The following ANKRD30A variants were observed in gnomAD, a reference collection of about 807,000 sequenced individuals.
ANKRD30A encodes the protein ankyrin repeat domain-containing protein 30A.
ANKRD30A carries 170 observed loss-of-function variants against 166.3 expected under a neutral mutation model. The observed-to-expected ratio is 1.02, with a 90% CI of 0.90 to 1.16. The LOEUF is 1.16. Among genes scored for constraint, ANKRD30A ranks in the 50% most tolerant of loss-of-function variants. The pLI is 0.00. For missense variants in ANKRD30A, 1,630 were observed against 1,518.0 expected, an observed-to-expected ratio of 1.07 and a Z score of -1.23; for synonymous variants, 564 against 508.9, an observed-to-expected ratio of 1.11 and a Z score of -1.46.
intron 34 of ANKRD30A, among the ~76,000 whole-genome samples, chr10:37,228,681 A>G (rs1188183313): frequency 6.6e-6 from 1 of 151,998 alleles, no homozygotes; most frequent in Non-Finnish European, 1.5e-5. Flanking sequence ...AGAATTTTTA[A>G]TTAAAAGGAA....
intron 31 of ANKRD30A, among the ~76,000 whole-genome samples, chr10:37,205,456 G>A (rs1841933696): frequency 6.6e-6 from 1 of 151,804 alleles, no homozygotes; most frequent in South Asian, 2.1e-4. Flanking sequence ...TCATGGGGTG[G>A]GGGGAGGTGG....
At chr10:37,223,940 T>C (rs1588956394) in intron 34 of ANKRD30A, among the ~76,000 whole-genome samples, 2 of 151,150 alleles carry the variant, frequency 1.3e-5, no homozygotes, top group African/African-American at 2.4e-5. Flanking sequence ...TGGGTAATAT[T>C]TCAATATTTT....
the ANKRD30A span, chr10:37,241,392 C>A: frequency 1.3e-5 from 2 of 151,298 alleles, no homozygotes; most frequent in Non-Finnish European, 3.0e-5. Context: ...AAAATTTTTT[C>A]TTAAAAAGGA....
chr10:37,256,753 T>A, the ANKRD30A span, among the ~76,000 whole-genome samples: 1 of 152,188 alleles, frequency 6.6e-6, no homozygotes, highest in Non-Finnish European at 1.5e-5. Context: ...AAGTATTGCA[T>A]ATGGTGGATA....
intron 24 of ANKRD30A, among the ~76,000 whole-genome samples, chr10:37,183,058 T>C (rs375580282): frequency 2.0e-5 from 3 of 149,478 alleles, no homozygotes; most frequent in Admixed American, 6.7e-5. Context: ...TTAATTAGAC[T>C]GTGTTTCCTA....
the ANKRD30A span, chr10:37,247,990 C>A: frequency 3.3e-6 from 1 of 298,510 alleles, no homozygotes; most frequent in Non-Finnish European, 6.7e-6. Flanking sequence ...ACCTTTGTAA[C>A]AAGCCTGCTC....
At chr10:37,258,332 C>T in the ANKRD30A span, among the ~76,000 whole-genome samples, 1 of 151,846 alleles carries the variant, frequency 6.6e-6, no homozygotes, top group Admixed American at 6.6e-5. Context: ...CAAGAAGAAC[C>T]AAGAAAGTTC....
chr10:37,156,411 C>A (rs1434250382), intron 13 of ANKRD30A, among the ~76,000 whole-genome samples: 1 of 152,034 alleles, frequency 6.6e-6, no homozygotes, highest in Admixed American at 6.6e-5. Context: ...TTTTCCTACC[C>A]GGTTCCTCTG....
intron 27 of ANKRD30A, among the ~76,000 whole-genome samples, chr10:37,196,099 T>TTTTA (rs1564549935): frequency 7.4e-5 from 11 of 148,298 alleles, no homozygotes; most frequent in Non-Finnish European, 1.2e-4. Context: ...TTCTATTTTT[T>TTTTA]TTTTTTTTTT....
intron 27 of ANKRD30A, among the ~76,000 whole-genome samples, chr10:37,194,394 T>C (rs1840881608): frequency 6.6e-6 from 1 of 151,466 alleles, no homozygotes; most frequent in Admixed American, 6.6e-5. Flanking sequence ...CAGGCTGGAG[T>C]GCCATGGCGC....
intron 29 of ANKRD30A, among the ~76,000 whole-genome samples, chr10:37,198,114 C>G (rs1184858791): frequency 6.6e-6 from 1 of 152,062 alleles, no homozygotes; most frequent in Admixed American, 6.6e-5. Flanking sequence ...GCTTTAGAGT[C>G]TTTTTACACT....
At chr10:37,224,966 GCAAA>G (rs2132756182) in intron 34 of ANKRD30A, among the ~76,000 whole-genome samples, 1 of 151,510 alleles carries the variant, frequency 6.6e-6, no homozygotes, top group East Asian at 2.0e-4. Context: ...TGTGTCTTTT[GCAAA>G]CATTCATATA....
Position 37,201,264 on chromosome 10 carries a change from T to C in ANKRD30A, c.2808T>C (p.Asp936=). 1 of 1,593,372 alleles carries C rather than the reference T, an allele frequency of 6.3e-7. No homozygotes were observed. Among genetic ancestry groups the C allele is most frequent in the East Asian group, 2.3e-5 (1 of 43,838 alleles). ...ESLRETVSQK[D]VCVPKATHQK... The stretch of plus-strand genomic sequence containing the variant: ...TCCGTGAGACTGTTTCACAGAAGGA[T>C]GTGTGTGTACCCAAGGCTACACATC... The change falls in exon 31 of 36, where the codon GAT becomes GAC. Residue 936 remains aspartate (D), a synonymous_variant. Transcript: ENST00000361713.
intron 31 of ANKRD30A, among the ~76,000 whole-genome samples, chr10:37,204,534 A>G (rs1334027211): frequency 1.3e-5 from 2 of 152,128 alleles, no homozygotes; most frequent in Non-Finnish European, 2.9e-5. Flanking sequence ...AACCTAGGCA[A>G]TACCATTCAG....
intron 1 of ANKRD30A, 148 bp downstream of exon 1, chr10:37,126,156 G>T: frequency 1.2e-6 from 1 of 820,258 alleles, no homozygotes; most frequent in East Asian, 2.7e-5. Context: ...TGGGCCCTCG[G>T]GTCTAGGCCT....
chr10:37,231,512 A>G lies in ANKRD30A; in HGVS notation c.*43A>G. 6.5e-7 allele frequency: 1 copy of G among 1,546,686 alleles called. No individual in the cohort carries two copies. Among genetic ancestry groups the G allele is most frequent in the Non-Finnish European group, 8.8e-7 (1 of 1,138,594 alleles). Reference sequence around the variant, plus strand: ...ACTTCTTTTGGAGAAACAACAGACCAGATCTTTACTCACAACTCATGCTAG... The same window carrying G: ...ACTTCTTTTGGAGAAACAACAGACCGGATCTTTACTCACAACTCATGCTAG... On this transcript the variant is annotated 3_prime_UTR_variant, in exon 35 of 36. Transcript: ENST00000361713.
At chr10:37,132,658 C>G in intron 4 of ANKRD30A, among the ~76,000 whole-genome samples, 1 of 152,084 alleles carries the variant, frequency 6.6e-6, no homozygotes, top group East Asian at 1.9e-4. Flanking sequence ...ATGATTAACA[C>G]TTTTATAGTA....
intron 4 of ANKRD30A, among the ~76,000 whole-genome samples, chr10:37,133,204 G>T (rs2132512528): frequency 6.6e-6 from 1 of 152,004 alleles, no homozygotes; most frequent in East Asian, 1.9e-4. Context: ...ATTTGTATGG[G>T]TAGAGGAAGA....
chr10:37,260,033 C>T, the ANKRD30A span, among the ~76,000 whole-genome samples: 2 of 150,950 alleles, frequency 1.3e-5, no homozygotes, highest in Non-Finnish European at 2.9e-5. Context: ...CATGAGTGGC[C>T]GAATGCTTAA....
Sources: allele counts gnomAD v4.1 joint callset (sites outside exome capture counted in the v4.1 genomes callset), GRCh38; gene constraint gnomAD v4.1.1; transcripts MANE v1.5; gene names NCBI Gene and HGNC (gene_info 2026-07-23, HGNC 2026-07-21).